The following VSTM1 variants were observed in gnomAD, a reference collection of about 807,000 sequenced individuals.
VSTM1 encodes V-set and transmembrane domain containing 1.
VSTM1 carries 27 observed loss-of-function variants against 33.1 expected under a neutral mutation model. The observed-to-expected ratio is 0.82, with a 90% CI of 0.60 to 1.12. The LOEUF (loss-of-function observed/expected upper bound fraction) is 1.12. VSTM1 is among the 50% of genes most tolerant of loss of function. The pLI is 0.00. For synonymous variants in VSTM1, 115 were observed against 110.3 expected (o/e 1.04, Z -0.27); for missense variants, 304 against 288.9 (o/e 1.05, Z -0.38).
intron 1 of VSTM1, among the ~76,000 whole-genome samples, chr19:54,062,623 C>G (rs777407484): frequency 1.3e-5 from 2 of 150,626 alleles, no homozygotes; most frequent in Non-Finnish European, 2.9e-5. Flanking sequence ...TCTCGGGAGG[C>G]GGAGGCAGGA....
chr19:54,048,401 C>A (rs973143860), intron 4 of VSTM1: 2 of 362,696 alleles, frequency 5.5e-6, no homozygotes, highest in Non-Finnish European at 1.1e-5. Context: ...CAGACGTGAG[C>A]CACTGCGCCC....
At chr19:54,043,450 C>T (rs558425689) in intron 4 of VSTM1, among the ~76,000 whole-genome samples, 25 of 151,566 alleles carry the variant, frequency 1.6e-4, no homozygotes, top group Middle Eastern at 3.4e-3. Context: ...TCACTCTTAT[C>T]GTCCAGGCTG....
intron 4 of VSTM1, 90 bp from the exon 5 acceptor site, chr19:54,042,459 A>G: frequency 6.7e-7 from 1 of 1,497,790 alleles, no homozygotes; most frequent in Non-Finnish European, 8.9e-7. Flanking sequence ...AGCCAGACAG[A>G]TGGCCTGGCT....
chr19:54,053,305 T>C (rs1418354145), intron 3 of VSTM1, among the ~76,000 whole-genome samples: 1 of 141,916 alleles, frequency 7.0e-6, no homozygotes, highest in Non-Finnish European at 1.6e-5. Flanking sequence ...AAGGGGGCAC[T>C]CAGGAGACTC....
rs1180775364 is a variant in VSTM1 at position 54,051,462 on chromosome 19, G to A, written c.356-14C>T. On this transcript the variant is annotated splice_polypyrimidine_tract_variant and intron_variant, in intron 3 of 8. Transcript: ENST00000338372. ...CATCGTGTTTATCTAGAAAATAGGA[G>A]GGAAGAAAAGGAATTACACTAATCA... 2 of 1,594,132 alleles carry A rather than the reference G, an allele frequency of 1.3e-6. No individual in the cohort carries two copies. Among genetic ancestry groups the A allele is most frequent in the Non-Finnish European group, 1.7e-6 (2 of 1,173,720 alleles).
Position 54,041,762 on chromosome 19 carries a change from T to G in VSTM1, c.591+17A>C, listed in dbSNP as rs2070283175. ...GGTGAGGGAGCTCTTGTGGGACTCC[T>G]AAGCGGGAGGACTCACCGAGAGAGA... On this transcript the variant is annotated intron_variant, in intron 8 of 8. Coordinates refer to ENST00000338372, the MANE Select transcript of VSTM1 (RefSeq NM_198481.4). 1.2e-6 allele frequency: 2 copies of G among 1,612,052 alleles called. No homozygotes were observed. The highest frequency in any genetic ancestry group is 3.4e-5 in the Admixed American group (2 of 59,690).
rs1470882496 is a variant in VSTM1 at position 54,042,279 on chromosome 19, T to C, written c.485A>G (p.His162Arg). ...SVFIIYRCSQ[H>R]SSSSEESTKR... ...CCCTTTGCGTTCTCTGAGCTCACTGTGCTGGCTGCATCTGTAGATGATGAA... is the reference window on the plus strand; with the variant it reads ...CCCTTTGCGTTCTCTGAGCTCACTGCGCTGGCTGCATCTGTAGATGATGAA... Residue 162 changes from histidine to arginine, a missense_variant and splice_region_variant, in exon 5 of 9, where the codon CAC becomes CGC. Physicochemically the swap from His to Arg is conservative, Grantham distance 29 (BLOSUM62 0). Coordinates refer to ENST00000338372, the MANE Select transcript of VSTM1 (RefSeq NM_198481.4). 1.1e-5 allele frequency: 17 copies of C among 1,613,608 alleles called. No homozygotes were observed. Among genetic ancestry groups the C allele is most frequent in the African/African-American group, 1.3e-5 (1 of 74,750 alleles).
At chr19:54,056,279 T>G (rs903184541) in intron 3 of VSTM1, among the ~76,000 whole-genome samples, 1 of 124,146 alleles carries the variant, frequency 8.1e-6, no homozygotes, top group East Asian at 2.3e-4. Context: ...TTGAGTGCAG[T>G]GGCACGATCT....
At position 54,042,328 on chromosome 19, in the gene VSTM1, T is replaced by A; in HGVS notation, c.436A>T (p.Ile146Phe). Reference sequence around the variant, plus strand: ...AAGACTGAGAGGAAGAGGAGAAGGATGGAGATGCAGCTGAAGATGGCGACA... The same window carrying A: ...AAGACTGAGAGGAAGAGGAGAAGGAAGGAGATGCAGCTGAAGATGGCGACA... ...IFVAIFSCIS[I>F]LLLFLSVFII... Residue 146 changes from isoleucine to phenylalanine, a missense_variant, in exon 5 of 9, where the codon ATC (isoleucine) becomes TTC (phenylalanine). Transcript: ENST00000338372. 1 of 1,613,382 alleles carries A rather than the reference T, an allele frequency of 6.2e-7. No individual in the cohort carries two copies. Among genetic ancestry groups the A allele is most frequent in the Non-Finnish European group, 8.5e-7 (1 of 1,179,874 alleles).
intron 4 of VSTM1, among the ~76,000 whole-genome samples, chr19:54,047,951 G>A (rs1390124177): frequency 6.6e-6 from 1 of 152,012 alleles, no homozygotes; most frequent in Non-Finnish European, 1.5e-5. Context: ...CCTGACACGG[G>A]GCATAAATGG....
At chr19:54,057,066 G>C (rs2071133887) in intron 3 of VSTM1, among the ~76,000 whole-genome samples, 1 of 139,768 alleles carries the variant, frequency 7.2e-6, no homozygotes, top group Non-Finnish European at 1.6e-5. Flanking sequence ...ATGTTGGCCA[G>C]GCTGGTCTCG....
Position 54,058,604 on chromosome 19 carries a change from A to G in VSTM1, c.71-14T>C. 6.2e-7 allele frequency: 1 copy of G among 1,613,292 alleles called. No individual in the cohort carries two copies. The highest frequency in any genetic ancestry group is 8.5e-7 in the Non-Finnish European group (1 of 1,179,386). ...TGGGCGGTTTCTCTGGAAACAATTC[A>G]GAGTTAATTTGAGTCTAGAATTCAG... On this transcript the variant is annotated splice_polypyrimidine_tract_variant and intron_variant, in intron 2 of 8. Transcript: ENST00000338372.
chr19:54,042,392 G>A (rs778702720), intron 4 of VSTM1, 23 bp from the exon 5 acceptor site: 1 of 1,610,038 alleles, frequency 6.2e-7, no homozygotes, highest in Non-Finnish European at 8.5e-7. Flanking sequence ...GAGCAGGTCA[G>A]GGAATCAGCC....
rs1030426598 is a variant in VSTM1 at position 54,056,465 on chromosome 19, C to T, written c.355+1841G>A. Among the ~76,000 whole-genome samples the T allele has an allele frequency of 1.4e-5, 2 of 139,112 alleles. 1 individual carries two copies. Among genetic ancestry groups the T allele is most frequent in the Admixed American group, 1.5e-4 (2 of 13,432 alleles). 91.3% of individuals were successfully genotyped at this position (139,112 alleles called of 152,430 possible). A position where few individuals can be genotyped will look rare whatever the true frequency, so the allele number is the denominator to read the frequency against. ...CAAACTCCTGACCTCAGGTGATCCACCCTCCTAGGCCTCCCAAAGTGCTAG... is the reference window on the plus strand; with the variant it reads ...CAAACTCCTGACCTCAGGTGATCCATCCTCCTAGGCCTCCCAAAGTGCTAG... On this transcript the variant is annotated intron_variant, in intron 3 of 8. Transcript: ENST00000338372.
chr19:54,047,454 C>T (rs540922833), intron 4 of VSTM1, among the ~76,000 whole-genome samples: 23 of 152,118 alleles, frequency 1.5e-4, no homozygotes, highest in African/African-American at 4.3e-4. Flanking sequence ...CACCTCACCC[C>T]GCTAATTTTT....
intron 4 of VSTM1, 70 bp downstream of exon 4, chr19:54,051,340 T>G: frequency 1.6e-6 from 2 of 1,254,134 alleles, no homozygotes; most frequent in South Asian, 2.6e-5. Context: ...GTTCTCCTTG[T>G]GCACTTTAAG....
At chr19:54,044,493 G>A (rs982801250) in intron 4 of VSTM1, among the ~76,000 whole-genome samples, 1 of 152,118 alleles carries the variant, frequency 6.6e-6, no homozygotes, top group Admixed American at 6.6e-5. Context: ...CTGGGAGGCG[G>A]AGGTTGCAGT....
At position 54,040,989 on chromosome 19, in the gene VSTM1, G is replaced by A. The variant is rs775598769; in HGVS notation, c.683C>T (p.Ser228Phe). The A allele has an allele frequency of 1.8e-5, 29 of 1,610,686 alleles. No homozygotes were observed. The highest frequency in any genetic ancestry group is 2.5e-5 in the Non-Finnish European group (29 of 1,178,782). The change falls in exon 9 of 9, where the codon TCT (serine) becomes TTT (phenylalanine). Residue 228 changes from serine to phenylalanine, a missense_variant. Transcript: ENST00000338372. ...ASDTTQEPPG[S>F]HEYAALKV is the part of the protein sequence containing the mutation. ...CACTTTCAGTGCCGCATATTCATGA[G>A]ATCCTGGGGGCTCCTGGGTGGTGTC...
intron 3 of VSTM1, among the ~76,000 whole-genome samples, chr19:54,057,654 C>A (rs1014462986): frequency 4.0e-5 from 6 of 151,132 alleles, no homozygotes. Context: ...TACTAAAATA[C>A]AAAAATTAGC....
Sources: gnomAD v4.1 joint callset for allele counts (sites outside exome capture counted in the v4.1 genomes callset) on GRCh38, gnomAD v4.1.1 for gene constraint, MANE v1.5 for transcripts, NCBI Gene and HGNC (gene_info 2026-07-23, HGNC 2026-07-21) for gene names.